Variants in SAA1 observed in about 807,000 individuals in gnomAD.
The protein encoded by SAA1 is serum amyloid A-1 protein.
Under a neutral mutation model 9.8 loss-of-function variants are expected in SAA1, and 4 were observed. The observed-to-expected ratio is 0.41, with a 90% CI of 0.20 to 0.93. SAA1 has a LOEUF of 0.93. SAA1 is among the 40% of genes least tolerant of loss of function. The pLI, the probability that SAA1 is intolerant of heterozygous loss-of-function variation, is 0.33. For missense variants in SAA1, 114 were observed against 155.5 expected, an observed-to-expected ratio of 0.73 and a Z score of 1.42; for synonymous variants, 47 against 57.7, an observed-to-expected ratio of 0.82 and a Z score of 0.84.
Position 18,266,947 on chromosome 11 carries a change from C to G in SAA1, c.60C>G (p.Ser20Arg). The change falls in exon 2 of 4, where the codon AGC becomes AGG. Residue 20 changes from serine to arginine, a missense_variant. By Grantham distance (110) the Ser-to-Arg change is moderately radical. Transcript: ENST00000356524. Reference protein sequence around the residue: ...CSLVLGVSSRSFFSFLGEAFD... With the variant: ...CSLVLGVSSRRFFSFLGEAFD... ...TGGTCCTGGGTGTCAGCAGCCGAAG[C>G]TTCTTTTCGTTCCTTGGCGAGGCTT... 1 of 1,611,372 alleles carries G rather than the reference C, an allele frequency of 6.2e-7. No individual in the cohort carries two copies. Among genetic ancestry groups the G allele is most frequent in the Non-Finnish European group, 8.5e-7 (1 of 1,179,334 alleles).
rs753055758 is a variant in SAA1, at chr11:18,269,829, C to A, written c.343C>A (p.Pro115Thr). The change falls in exon 4 of 4, where the codon CCT (proline) becomes ACT (threonine). Residue 115 changes from proline to threonine, a missense_variant. By Grantham distance (38) the Pro-to-Thr change is conservative. Transcript: ENST00000356524. ...TGGCAAAGACCCCAATCACTTCCGA[C>A]CTGCTGGCCTGCCTGAGAAATACTG... ...RSGKDPNHFR[P>T]AGLPEKY is the part of the protein sequence containing the mutation. 8.7e-6 allele frequency: 14 copies of A among 1,614,186 alleles called. No homozygotes were observed. The highest frequency in any genetic ancestry group is 1.1e-5 in the Non-Finnish European group (13 of 1,180,026).
At chr11:18,269,405 C>T (rs763500884) in intron 3 of SAA1, 72 bp downstream of exon 3, 52 of 1,520,084 alleles carry the variant, frequency 3.4e-5, no homozygotes, top group East Asian at 1.4e-4. Context: ...AGGAGGGAGA[C>T]GAGCTCCTTG....
At position 18,268,831 on chromosome 11, in the gene SAA1, T is replaced by TAA. The variant is rs371021832; in HGVS notation, c.92-333_92-332dup. The stretch of plus-strand genomic sequence containing the variant: ...CTGGGCGACAGAGCAAGACTCTGTC[T>TAA]AAAAAAAAAAAAAAAAAAAAAAAAA... On this transcript the variant is annotated intron_variant, in intron 2 of 3. Coordinates refer to ENST00000356524, the MANE Select transcript of SAA1 (RefSeq NM_199161.5). 3.4e-3 allele frequency among the ~76,000 whole-genome samples: 378 copies of TAA among 110,368 alleles called. 11 individuals carry two copies. Among genetic ancestry groups the TAA allele is most frequent in the African/African-American group, 7.3e-3 (205 of 27,934 alleles). 72.4% of individuals were successfully genotyped at this position (110,368 alleles called of 152,430 possible). A position where few individuals can be genotyped will look rare whatever the true frequency, so the allele number is the denominator to read the frequency against.
In SAA1 at chr11:18,269,364, G is replaced by A; in HGVS notation, c.230+31G>A. The A allele has an allele frequency of 2.7e-6, 4 of 1,459,968 alleles. No individual in the cohort carries two copies. The South Asian group carries it at 5.8e-5, about 21-fold the overall frequency. The allele number at this position is 1,459,968 out of a possible 1,614,324, so 90.4% of individuals were successfully genotyped here. ...TGGAGCTCCTGGGACGTTAGGGCTGGGTGAGCAGAGCTTGCCTGCCTTGGA... is the reference window on the plus strand; with the variant it reads ...TGGAGCTCCTGGGACGTTAGGGCTGAGTGAGCAGAGCTTGCCTGCCTTGGA... On this transcript the variant is annotated intron_variant, in intron 3 of 3. Coordinates refer to ENST00000356524, the MANE Select transcript of SAA1 (RefSeq NM_199161.5).
rs772974380 is a variant in SAA1, at chr11:18,266,943, G to A, written c.56G>A (p.Arg19Gln). The change falls in exon 2 of 4, where the codon CGA becomes CAA. Residue 19 changes from arginine (R) to glutamine (Q), a missense_variant. Transcript: ENST00000356524. ...TCCTTGGTCCTGGGTGTCAGCAGCC[G>A]AAGCTTCTTTTCGTTCCTTGGCGAG... is the stretch of plus-strand genomic sequence containing the variant. ...FCSLVLGVSS[R>Q]SFFSFLGEAF... is the part of the protein sequence containing the mutation. 1.3e-5 allele frequency: 21 copies of A among 1,611,690 alleles called. No homozygotes were observed. Among genetic ancestry groups the A allele is most frequent in the East Asian group, 2.2e-5 (1 of 44,848 alleles).
intron 2 of SAA1, among the ~76,000 whole-genome samples, chr11:18,268,217 T>G (rs549817640): frequency 0.022 from 3,325 of 149,492 alleles, 48 homozygotes; most frequent in South Asian, 0.056. Context: ...CTAAAAATAC[T>G]AAAATGTAGC....
In SAA1 at chr11:18,269,745, T is replaced by A. The variant is rs144465925; in HGVS notation, c.259T>A (p.Phe87Ile). The A allele has an allele frequency of 2.4e-4, 384 of 1,614,032 alleles. No individual in the cohort carries two copies. The African/African-American group carries it at 3.8e-3, about 16-fold the overall frequency. ...TGCCAGAGAGAATATCCAGAGATTC[T>A]TTGGCCATGGTGCGGAGGACTCGCT... ...TDARENIQRF[F>I]GHGAEDSLAD... The change falls in exon 4 of 4, where the codon TTT (phenylalanine) becomes ATT (isoleucine). Residue 87 changes from phenylalanine (F) to isoleucine (I), a missense_variant. Transcript: ENST00000356524.
At chr11:18,266,681 T>A (rs1233196860) in intron 1 of SAA1, among the ~76,000 whole-genome samples, 1 of 152,050 alleles carries the variant, frequency 6.6e-6, no homozygotes, top group Admixed American at 6.5e-5. Flanking sequence ...GGCATCCTCT[T>A]ATGCAGTCAG....
chr11:18,268,591 T>C (rs181002290), intron 2 of SAA1, among the ~76,000 whole-genome samples: 1 of 152,204 alleles, frequency 6.6e-6, no homozygotes. Context: ...CCCAGCACTT[T>C]GGGAGGCCAA....
In SAA1 at chr11:18,269,863, C is replaced by T. The variant is rs1271747446; in HGVS notation, c.*8C>T. ...CTGCCTGAGAAATACTGAGCTTCCT[C>T]TTCACTCTGCTCTCAGGAGATCTGG... On this transcript the variant is annotated 3_prime_UTR_variant, in exon 4 of 4. Transcript: ENST00000356524. The T allele has an allele frequency of 1.2e-6, 2 of 1,613,810 alleles. No homozygotes were observed. Among genetic ancestry groups the T allele is most frequent in the East Asian group, 2.2e-5 (1 of 44,902 alleles).
Position 18,269,795 on chromosome 11 carries a change from G to A in SAA1, c.309G>A (p.Trp103Ter). ...DSLADQAANE[W>*]GRSGKDPNHF... ...TGGCTGATCAGGCTGCCAATGAATG[G>A]GGCAGGAGTGGCAAAGACCCCAATC... The change falls in exon 4 of 4, where the codon TGG (tryptophan) becomes TGA (stop). Residue 103 changes from tryptophan (W) to a stop codon, truncating the protein, a stop_gained. Transcript: ENST00000356524. LOFTEE classifies it high-confidence loss of function. 1 of 1,614,042 alleles carries A rather than the reference G, an allele frequency of 6.2e-7. No homozygotes were observed. The highest frequency in any genetic ancestry group is 8.5e-7 in the Non-Finnish European group (1 of 1,179,980).
Position 18,269,943 on chromosome 11 carries a change from T to C in SAA1, c.*88T>C. On this transcript the variant is annotated 3_prime_UTR_variant, in exon 4 of 4. Transcript: ENST00000356524. ...GCGGGGAGAGGGTACACAATGGGTA[T>C]CTAATAAATACTTAAGAGGTGGAAT... 1 of 1,571,982 alleles carries C rather than the reference T, an allele frequency of 6.4e-7. No homozygotes were observed. Among genetic ancestry groups the C allele is most frequent in the Non-Finnish European group, 8.6e-7 (1 of 1,160,026 alleles).
chr11:18,268,831 TAAAAAAAAAAAAA>T (rs371021832), intron 2 of SAA1, among the ~76,000 whole-genome samples: 4 of 110,656 alleles, frequency 3.6e-5, no homozygotes, highest in Non-Finnish European at 7.4e-5. Context: ...AGACTCTGTC[TAAAAAAAAAAAAA>T]AAAAAAAAAA....
chr11:18,268,701 C>T (rs1417984606), intron 2 of SAA1, among the ~76,000 whole-genome samples: 1 of 151,934 alleles, frequency 6.6e-6, no homozygotes, highest in Non-Finnish European at 1.5e-5. Context: ...GGCGTGATGG[C>T]GCATGCCTGT....
At chr11:18,269,573 G>C in intron 3 of SAA1, 144 bp from the exon 4 acceptor site, 1 of 1,402,396 alleles carries the variant, frequency 7.1e-7, no homozygotes, top group Non-Finnish European at 9.7e-7. Context: ...GGCTGAATGG[G>C]GTGGTGCCCA....
intron 1 of SAA1, chr11:18,266,617 T>C: frequency 1.6e-5 from 8 of 503,972 alleles, no homozygotes; most frequent in South Asian, 1.5e-4. Context: ...ATAGGCTACT[T>C]GAGGGAGTGA....
At chr11:18,269,060 T>C (rs993161702) in intron 2 of SAA1, 135 bp from the exon 3 acceptor site, 4 of 1,102,492 alleles carry the variant, frequency 3.6e-6, no homozygotes, top group Non-Finnish European at 3.8e-6. Context: ...CAACCCATGG[T>C]ATCCAAGGCT....
chr11:18,269,427 G>C (rs1858152257), intron 3 of SAA1, 94 bp downstream of exon 3: 10 of 1,544,598 alleles, frequency 6.5e-6, no homozygotes, highest in African/African-American at 1.4e-5. Context: ...GGAGAAGTTA[G>C]AGGCTGCGGC....
In SAA1 at chr11:18,269,211, G is replaced by GACATGTC. The variant is rs778670885; in HGVS notation, c.109_110insCATGTCA (p.Arg37ThrfsTer7). 2 of 1,593,714 alleles carry GACATGTC rather than the reference G, an allele frequency of 1.3e-6. No individual in the cohort carries two copies. Among genetic ancestry groups the GACATGTC allele is most frequent in the African/African-American group, 2.7e-5 (2 of 73,504 alleles). On this transcript the variant is annotated frameshift_variant, in exon 3 of 4. Transcript: ENST00000356524. LOFTEE classifies it high-confidence loss of function. ...CCTTTCCAGGGGCTCGGGACATGTG[G>GACATGTC]AGAGCCTACTCTGACATGAGAGAAG...
Sources: allele counts gnomAD v4.1 joint callset (sites outside exome capture counted in the v4.1 genomes callset), GRCh38; gene constraint gnomAD v4.1.1; transcripts MANE v1.5; gene names NCBI Gene and HGNC (gene_info 2026-07-23, HGNC 2026-07-21).